The following ZNF624 variants were observed in gnomAD, a reference collection of about 807,000 sequenced individuals.
ZNF624 encodes zinc finger protein 624.
In ZNF624, 43 loss-of-function variants were observed where a neutral mutation model predicts 74.7. That is an observed-to-expected ratio of 0.58 (90% CI 0.45 to 0.74). ZNF624 has a LOEUF of 0.74. Among genes scored for constraint, ZNF624 ranks in the 30% least tolerant of loss-of-function variants. The probability of loss-of-function intolerance (pLI) is 0.00; values close to 1 mark genes in which losing one functional copy is unlikely to be tolerated. For synonymous variants in ZNF624, 331 were observed against 341.3 expected (o/e 0.97, Z 0.33); for missense variants, 820 against 1,030.0 (o/e 0.80, Z 2.79).
In ZNF624 at chr17:16,640,853, C is replaced by G. The variant is rs181912711; in HGVS notation, c.154-6097G>C. On this transcript the variant is annotated intron_variant, in intron 3 of 5. Transcript: ENST00000311331. ...AAAATGGAAGGGAAAAATTCCAAACCCACTTTATGAGACCAATATTACCAA... is the reference window on the plus strand; with the variant it reads ...AAAATGGAAGGGAAAAATTCCAAACGCACTTTATGAGACCAATATTACCAA... Among the ~76,000 whole-genome samples, 3 of 152,018 alleles carry G rather than the reference C, an allele frequency of 2.0e-5. 1 individual carries two copies. The South Asian group carries it at 6.2e-4, about 31-fold the overall frequency.
chr17:16,649,583 G>A (rs1909669893), intron 2 of ZNF624, 75 bp downstream of exon 2: 8 of 1,354,002 alleles, frequency 5.9e-6, no homozygotes, highest in Admixed American at 1.7e-5. Context: ...AAGTAGAGAA[G>A]TCGCAAGCCT....
In ZNF624 at chr17:16,623,763, G is replaced by C; in HGVS notation, c.1123C>G (p.Leu375Val). ...CGKSFSQCAR[L>V]NQHQRIQTGE... Reference sequence around the variant, plus strand: ...GTTTGAATTCTCTGGTGCTGATTAAGACGGGCACACTGGCTAAAAGATTTC... The same window carrying C: ...GTTTGAATTCTCTGGTGCTGATTAACACGGGCACACTGGCTAAAAGATTTC... Residue 375 changes from leucine to valine, a missense_variant, in exon 6 of 6, where the codon CTT becomes GTT. Transcript: ENST00000311331. The surrounding 1 kb of genome is among the most constrained non-coding windows in gnomAD (Gnocchi z 5.3). The C allele has an allele frequency of 6.2e-7, 1 of 1,614,030 alleles. No individual in the cohort carries two copies. Among genetic ancestry groups the C allele is most frequent in the Non-Finnish European group, 8.5e-7 (1 of 1,180,020 alleles).
At chr17:16,643,099 T>G (rs1909504201) in intron 3 of ZNF624, among the ~76,000 whole-genome samples, 1 of 152,210 alleles carries the variant, frequency 6.6e-6, no homozygotes, top group African/African-American at 2.4e-5. Flanking sequence ...GGCAGCTGCT[T>G]TGTAAAACAA....
At chr17:16,645,945 C>CAAAAAAAAAAAAAAAAAA (rs35486112) in intron 3 of ZNF624, among the ~76,000 whole-genome samples, 1 of 56,066 alleles carries the variant, frequency 1.8e-5, no homozygotes. Flanking sequence ...GACTCCATCT[C>CAAAAAAAAAAAAAAAAAA]AAAAAAAAAA....
At chr17:16,647,942 AT>A (rs982595651) in intron 2 of ZNF624, among the ~76,000 whole-genome samples, 1 of 149,938 alleles carries the variant, frequency 6.7e-6, no homozygotes, top group Non-Finnish European at 1.5e-5. Flanking sequence ...TTTATTTTTT[AT>A]TTTTTTTGAG....
chr17:16,627,186 T>G (rs994516997), intron 5 of ZNF624, among the ~76,000 whole-genome samples: 32 of 152,208 alleles, frequency 2.1e-4, no homozygotes, highest in African/African-American at 6.8e-4. Context: ...AAAAATTTGC[T>G]GCAAAATGCA....
chr17:16,617,588 T>C (rs543325786), downstream of ZNF624: 17 of 1,584,778 alleles, frequency 1.1e-5, no homozygotes, highest in Admixed American at 2.7e-4. Context: ...TATTTGTCTC[T>C]GCCAGATGTC....
chr17:16,635,367 A>G (rs967312299), intron 3 of ZNF624, among the ~76,000 whole-genome samples: 4 of 152,348 alleles, frequency 2.6e-5, no homozygotes, highest in East Asian at 1.9e-4. Context: ...AATGTTACCT[A>G]TCGGAGAAAA....
intron 1 of ZNF624, among the ~76,000 whole-genome samples, chr17:16,650,505 A>G (rs1163743331): frequency 6.6e-6 from 1 of 152,092 alleles, no homozygotes; most frequent in Non-Finnish European, 1.5e-5. Flanking sequence ...AAAAAAGTAT[A>G]TACCTAATAA....
chr17:16,630,038 C>T (rs1443455481), intron 5 of ZNF624, among the ~76,000 whole-genome samples: 2 of 152,128 alleles, frequency 1.3e-5, no homozygotes, highest in African/African-American at 4.8e-5. Flanking sequence ...GGAGTAGTCA[C>T]AGCAGAGAGT....
In ZNF624 at chr17:16,623,349, C is replaced by T. The variant is rs371541390; in HGVS notation, c.1537G>A (p.Ala513Thr). 3.1e-5 allele frequency: 50 copies of T among 1,612,654 alleles called. No homozygotes were observed. The Admixed American group carries it at 4.0e-4, about 13-fold the overall frequency. ...ATTCGCTGATGTTCTGTGAAATTTG[C>T]GATGCGGTTGAATGCTTTCCCACAT... is the stretch of plus-strand genomic sequence containing the variant. ...NECGKAFNRIANFTEHQRIHT... is the reference protein window; with the variant it reads ...NECGKAFNRITNFTEHQRIHT... The change falls in exon 6 of 6, where the codon GCA becomes ACA. Residue 513 changes from alanine to threonine, a missense_variant. Coordinates refer to ENST00000311331, the MANE Select transcript of ZNF624 (RefSeq NM_020787.4). The surrounding 1 kb of genome is among the most constrained non-coding windows in gnomAD (Gnocchi z 5.3).
At chr17:16,626,743 C>T (rs1445762060) in intron 5 of ZNF624, among the ~76,000 whole-genome samples, 2 of 151,940 alleles carry the variant, frequency 1.3e-5, no homozygotes, top group East Asian at 3.9e-4. Context: ...CAAAGTGAAA[C>T]CCTGTCTCAA....
At chr17:16,652,666 C>G (rs1360661710) in intron 1 of ZNF624, among the ~76,000 whole-genome samples, 2 of 152,120 alleles carry the variant, frequency 1.3e-5, no homozygotes, top group Non-Finnish European at 2.9e-5. Context: ...CTGAGTAACC[C>G]AAAACTCTAC....
At chr17:16,647,478 G>A (rs1909621066) in intron 2 of ZNF624, 84 bp from the exon 3 acceptor site, 4 of 1,106,600 alleles carry the variant, frequency 3.6e-6, no homozygotes, top group Admixed American at 1.7e-5. Context: ...CCAATCCACT[G>A]TGGATGCAGT....
chr17:16,615,950 CATATACATATATATATATATATATATAT>C (rs1908781899), downstream of ZNF624, among the ~76,000 whole-genome samples: 1 of 74,568 alleles, frequency 1.3e-5, no homozygotes, highest in East Asian at 3.5e-4. Context: ...AAATCTATTC[CATATACATATATATATATATATATATAT>C]ATATATATAT....
intron 1 of ZNF624, among the ~76,000 whole-genome samples, chr17:16,651,429 CA>C (rs34186812): frequency 0.26 from 21,509 of 84,290 alleles, 1,833 homozygotes; most frequent in East Asian, 0.43. Flanking sequence ...GACTCCATCT[CA>C]AAAAAAAAAA....
rs1336641580 is a variant in ZNF624 at position 16,632,747 on chromosome 17, G to A, written c.376+1115C>T. Among the ~76,000 whole-genome samples, 4 of 152,226 alleles carry A rather than the reference G, an allele frequency of 2.6e-5. No homozygotes were observed. The East Asian group carries it at 7.7e-4, about 29-fold the overall frequency. On this transcript the variant is annotated intron_variant, in intron 5 of 5. Transcript: ENST00000311331. ...ACTTACTGCCTGCTTTATGCCTCAA[G>A]TTCAATCTCTATAAACAGGGTTATT... is the stretch of plus-strand genomic sequence containing the variant.
rs555896934 is a variant in ZNF624 at position 16,652,530 on chromosome 17, CAT to C, written c.-3+1232_-3+1233del. On this transcript the variant is annotated intron_variant, in intron 1 of 5. Coordinates refer to ENST00000311331, the MANE Select transcript of ZNF624 (RefSeq NM_020787.4). ...TAGATTATGTAGATTATGCTCGTAA[CAT>C]ATGTTTAACAACCAAACTACAATAA... Among the ~76,000 whole-genome samples the C allele has an allele frequency of 1.4e-4, 22 of 152,252 alleles. No individual in the cohort carries two copies. The East Asian group carries it at 3.1e-3, about 21-fold the overall frequency.
At chr17:16,627,250 GA>G (rs1396532297) in intron 5 of ZNF624, among the ~76,000 whole-genome samples, 1 of 152,088 alleles carries the variant, frequency 6.6e-6, no homozygotes, top group Non-Finnish European at 1.5e-5. Context: ...TTAGTAATTA[GA>G]AATTTTCTTC....
Sources: gnomAD v4.1 joint callset for allele counts (sites outside exome capture counted in the v4.1 genomes callset) on GRCh38, gnomAD v4.1.1 for gene constraint, Gnocchi (gnomAD v3.1) non-coding constraint, MANE v1.5 for transcripts, NCBI Gene and HGNC (gene_info 2026-07-23, HGNC 2026-07-21) for gene names.